The following USP39 variants were observed in gnomAD, a reference collection of about 807,000 sequenced individuals.
The protein encoded by USP39 is ubiquitin carboxyl-terminal hydrolase 39.
USP39 carries 38 observed loss-of-function variants against 66.4 expected under a neutral mutation model. The ratio of observed to expected loss-of-function variants is 0.57; its 90% CI spans 0.44 to 0.75. USP39 has a LOEUF of 0.75. USP39 is among the 30% of genes least tolerant of loss of function. The pLI is 0.00. For synonymous variants in USP39, 303 were observed against 274.6 expected, an observed-to-expected ratio of 1.10 and a Z score of -1.02; for missense variants, 608 against 714.4, an observed-to-expected ratio of 0.85 and a Z score of 1.70.
At chr2:85,643,322 C>T (rs1676392243) in intron 10 of USP39, among the ~76,000 whole-genome samples, 1 of 151,946 alleles carries the variant, frequency 6.6e-6, no homozygotes, top group Non-Finnish European at 1.5e-5. Context: ...AACCCCGTCT[C>T]TACTAAAAAT....
intron 1 of USP39, among the ~76,000 whole-genome samples, chr2:85,618,331 A>T (rs1352507046): frequency 6.6e-6 from 1 of 151,626 alleles, no homozygotes; most frequent in Non-Finnish European, 1.5e-5. Context: ...TGGGAGGCCA[A>T]GGAGGGTGGA....
chr2:85,647,970 C>G lies in USP39; in HGVS notation c.1604C>G (p.Thr535Ser), dbSNP rs372217346. 1.9e-6 allele frequency: 3 copies of G among 1,614,184 alleles called. No homozygotes were observed. The highest frequency in any genetic ancestry group is 1.7e-6 in the Non-Finnish European group (2 of 1,180,038). ...KWYELQDLQVTDILPQMITLS... is the reference protein window; with the variant it reads ...KWYELQDLQVSDILPQMITLS... The stretch of plus-strand genomic sequence containing the variant: ...TATGAATTACAAGACCTCCAGGTGA[C>G]TGACATCCTTCCCCAGATGATCACA... The change falls in exon 12 of 13, where the codon ACT becomes AGT. Residue 535 changes from threonine to serine, a missense_variant. Thr to Ser is a moderately conservative substitution (Grantham distance 58, BLOSUM62 1). Around this residue, in one of 6 missense-constraint regions of USP39, gnomAD observed 164 missense variants for 250.3 expected, o/e 0.66. Coordinates refer to ENST00000323701, the MANE Select transcript of USP39 (RefSeq NM_006590.4).
intron 3 of USP39, among the ~76,000 whole-genome samples, chr2:85,623,403 A>G (rs1399135415): frequency 6.6e-6 from 1 of 150,886 alleles, no homozygotes; most frequent in Non-Finnish European, 1.5e-5. Context: ...AAAAATAGTG[A>G]AATTTGTTTC....
At chr2:85,623,496 C>A in intron 3 of USP39, 150 bp from the exon 4 acceptor site, 1 of 1,155,356 alleles carries the variant, frequency 8.7e-7, no homozygotes, top group Non-Finnish European at 1.2e-6. Context: ...GAGAGAACTT[C>A]ATGTGGAGGA....
At chr2:85,645,572 G>A (rs1271639814) in intron 11 of USP39, among the ~76,000 whole-genome samples, 19 of 152,072 alleles carry the variant, frequency 1.2e-4, no homozygotes, top group African/African-American at 1.4e-4. Flanking sequence ...GTGAGCCACC[G>A]CGCCAACCGG....
In USP39 at chr2:85,616,305, A is replaced by T. The variant is rs371736825; in HGVS notation, c.110A>T (p.Glu37Val). 2.7e-4 allele frequency: 427 copies of T among 1,579,846 alleles called. No homozygotes were observed. Among genetic ancestry groups the T allele is most frequent in the Non-Finnish European group, 3.5e-4 (407 of 1,161,494 alleles). Residue 37 changes from glutamate (E) to valine (V), a missense_variant, in exon 1 of 13, where the codon GAG (glutamate) becomes GTG (valine). Physicochemically the swap from Glu to Val is moderately radical, Grantham distance 121 (BLOSUM62 -2). Transcript: ENST00000323701. ...AAGCGGGAGCGAGATCGGGAGCGGG[A>T]GCCTGAGGCGGCGAGCTCCCGGGGC... ...RVKRERDREREPEAASSRGSP... is the reference protein window; with the variant it reads ...RVKRERDRERVPEAASSRGSP...
At chr2:85,621,197 TTCTC>T in intron 2 of USP39, 1 of 233,342 alleles carries the variant, frequency 4.3e-6, no homozygotes, top group East Asian at 8.1e-5. Context: ...ACTTGTAGCT[TTCTC>T]TCTAGAGAAA....
chr2:85,623,837 G>A (rs1379855366), intron 4 of USP39, 55 bp downstream of exon 4: 52 of 1,538,888 alleles, frequency 3.4e-5, no homozygotes, highest in Non-Finnish European at 4.5e-5. Context: ...CCATCCCAGG[G>A]CTCCCAGGGG....
chr2:85,636,170 T>C (rs1396938889), intron 7 of USP39, 40 bp downstream of exon 7: 2 of 1,599,746 alleles, frequency 1.3e-6, no homozygotes, highest in East Asian at 4.5e-5. Flanking sequence ...TTTTGTTCCC[T>C]TTTAAAAAAC....
At chr2:85,608,328 G>T (rs192206692), upstream of USP39, 2 of 152,120 alleles carry the variant, frequency 1.3e-5, no homozygotes, top group Non-Finnish European at 2.9e-5. Context: ...CACTTTATTG[G>T]TATCAGAATT....
chr2:85,646,236 T>A (rs895385708), intron 11 of USP39: 2 of 152,236 alleles, frequency 1.3e-5, no homozygotes, highest in Non-Finnish European at 2.9e-5. Context: ...AGATAAAACA[T>A]GTACTTGAGA....
At chr2:85,635,474 C>T (rs571398625) in intron 6 of USP39, among the ~76,000 whole-genome samples, 7 of 152,190 alleles carry the variant, frequency 4.6e-5, no homozygotes, top group East Asian at 3.9e-4. Context: ...GTGGGAGAAT[C>T]GCTTGAACCC....
rs768435215 is a variant in USP39 at position 85,625,605 on chromosome 2, C to T, written c.637C>T (p.Arg213Trp). The change falls in exon 5 of 13, where the codon CGG (arginine) becomes TGG (tryptophan). Residue 213 changes from arginine (R) to tryptophan (W), a missense_variant. Arg to Trp is a moderately radical substitution (Grantham distance 101, BLOSUM62 -3). This residue lies in a region of USP39 where 115 missense variants were observed against 198.6 expected (regional missense o/e 0.58). Transcript: ENST00000323701. ...ANLDKQAKLS[R>W]AYDGTTYLPG... ...CTTGGACAAGCAAGCCAAATTGTCC[C>T]GGGCATATGATGGTACCACTTACCT... 8 of 1,614,046 alleles carry T rather than the reference C, an allele frequency of 5.0e-6. No homozygotes were observed. The highest frequency in any genetic ancestry group is 6.8e-6 in the Non-Finnish European group (8 of 1,179,956).
Position 85,648,986 on chromosome 2 carries a change from A to T in USP39, c.*178A>T. On this transcript the variant is annotated 3_prime_UTR_variant, in exon 13 of 13. Transcript: ENST00000323701. ...TTGCCTGGGATGGCCCCACACTGTC[A>T]CTCAGCTGTTCTTTGATCATTTTTT... 1 of 692,830 alleles carries T rather than the reference A, an allele frequency of 1.4e-6. No homozygotes were observed. The highest frequency in any genetic ancestry group is 2.5e-5 in the East Asian group (1 of 39,778). 42.9% of individuals were successfully genotyped at this position (692,830 alleles called of 1,614,324 possible).
upstream of USP39, among the ~76,000 whole-genome samples, chr2:85,615,883 G>C (rs951828185): frequency 6.6e-6 from 1 of 152,214 alleles, no homozygotes; most frequent in Non-Finnish European, 1.5e-5. Context: ...ACCCGCCTCG[G>C]CCTCCCAAAG....
At chr2:85,648,668 A>G (rs1467933389) in intron 12 of USP39, 93 bp from the exon 13 acceptor site, 2 of 1,439,028 alleles carry the variant, frequency 1.4e-6, no homozygotes, top group Non-Finnish European at 2.0e-6. Context: ...TGGGGTGACA[A>G]GTTGTCCATG....
At chr2:85,629,304 G>A (rs1365840868) in intron 5 of USP39, among the ~76,000 whole-genome samples, 2 of 150,534 alleles carry the variant, frequency 1.3e-5, no homozygotes, top group East Asian at 2.0e-4. Context: ...CAAGTGATCC[G>A]CCCACCTTGG....
At position 85,641,047 on chromosome 2, in the gene USP39, T is replaced by C. The variant is rs376668493; in HGVS notation, c.1356T>C (p.Phe452=). The part of the protein sequence containing the change: ...QLTKLPPYLI[F]CIKRFTKNNF... ...CCAAGTTGCCTCCATATCTAATCTTTTGTATCAAGAGATTCACTAAGAACA... is the reference window on the plus strand; with the variant it reads ...CCAAGTTGCCTCCATATCTAATCTTCTGTATCAAGAGATTCACTAAGAACA... Residue 452 remains phenylalanine (F), a synonymous_variant, in exon 10 of 13, where the codon TTT becomes TTC. Transcript: ENST00000323701. The C allele has an allele frequency of 6.2e-7, 1 of 1,614,008 alleles. No individual in the cohort carries two copies. The highest frequency in any genetic ancestry group is 8.5e-7 in the Non-Finnish European group (1 of 1,179,986).
chr2:85,607,235 G>C (rs1032453560), upstream of USP39: 1 of 152,180 alleles, frequency 6.6e-6, no homozygotes, highest in Non-Finnish European at 1.5e-5. Context: ...CAAGTCATCA[G>C]ATCAGTTTAA....
Sources: allele counts gnomAD v4.1 joint callset (sites outside exome capture counted in the v4.1 genomes callset), GRCh38; gene constraint gnomAD v4.1.1; regional missense constraint gnomAD v4.1.1; transcripts MANE v1.5; gene names NCBI Gene and HGNC (gene_info 2026-07-23, HGNC 2026-07-21).